The following ERC2 variants were observed in gnomAD, a reference collection of about 807,000 sequenced individuals.
The protein encoded by ERC2 is ELKS/RAB6-interacting/CAST family member 2, also known as ERC protein 2.
ERC2 carries 42 observed loss-of-function variants against 114.8 expected under a neutral mutation model. That is an observed-to-expected ratio of 0.37 (90% confidence interval 0.29 to 0.47). ERC2 has a LOEUF of 0.47. ERC2 is among the 20% of genes least tolerant of loss of function. The probability of loss-of-function intolerance (pLI) is 0.99; values close to 1 mark genes in which losing one functional copy is unlikely to be tolerated. For missense variants in ERC2, 939 were observed against 1,150.7 expected, an observed-to-expected ratio of 0.82 and a Z score of 2.66; for synonymous variants, 454 against 425.5, an observed-to-expected ratio of 1.07 and a Z score of -0.82.
intron 17 of ERC2, among the ~76,000 whole-genome samples, chr3:55,537,368 T>TCAAA (rs112398027): frequency 3.3e-5 from 5 of 152,198 alleles, no homozygotes; most frequent in African/African-American, 1.2e-4. Context: ...ATCTAGAATA[T>TCAAA]CAAAGGGTGA....
At chr3:56,341,101 A>T (rs995117757) in intron 2 of ERC2, among the ~76,000 whole-genome samples, 2 of 152,152 alleles carry the variant, frequency 1.3e-5, no homozygotes, top group African/African-American at 2.4e-5. Context: ...TCTTTAAAGA[A>T]CTGACTGTTA....
chr3:56,257,614 C>T (rs151274413), intron 3 of ERC2, among the ~76,000 whole-genome samples: 2 of 152,356 alleles, frequency 1.3e-5, no homozygotes, highest in East Asian at 3.9e-4. Context: ...TTGATGCTTT[C>T]ACAATTAGGA....
At chr3:56,231,969 G>C (rs1423976129) in intron 3 of ERC2, among the ~76,000 whole-genome samples, 2 of 146,204 alleles carry the variant, frequency 1.4e-5, no homozygotes, top group Non-Finnish European at 3.0e-5. Flanking sequence ...CCTAGACATA[G>C]TTTTTTTTTT....
chr3:55,905,443 C>T (rs1483982787), intron 13 of ERC2, among the ~76,000 whole-genome samples: 2 of 149,818 alleles, frequency 1.3e-5, no homozygotes. Flanking sequence ...TGGTGGTGGT[C>T]GTGTGTGTGT....
chr3:55,736,656 T>C (rs2065653937), intron 14 of ERC2, among the ~76,000 whole-genome samples: 1 of 152,170 alleles, frequency 6.6e-6, no homozygotes, highest in Non-Finnish European at 1.5e-5. Flanking sequence ...TGCTCAAAAA[T>C]GTTAGTTCAA....
Position 55,734,899 on chromosome 3 carries a change from C to T in ERC2, c.2584G>A (p.Ala862Thr). 1.2e-6 allele frequency: 2 copies of T among 1,603,306 alleles called. No homozygotes were observed. Among genetic ancestry groups the T allele is most frequent in the Non-Finnish European group, 1.7e-6 (2 of 1,174,840 alleles). Residue 862 changes from alanine (A) to threonine (T), a missense_variant, in exon 15 of 18, where the codon GCC becomes ACC. Around this residue, in one of 5 missense-constraint regions of ERC2, gnomAD observed 328 missense variants for 353.9 expected, o/e 0.93. Coordinates refer to ENST00000288221, the MANE Select transcript of ERC2 (RefSeq NM_015576.3). ...ATGTTTGCATCTTTTTCACTGATGG[C>T]TGCAAGTAGTGCTTCCTGTCTGGTA... ...LEMKQEALLAAISEKDANIAL... is the reference protein window; with the variant it reads ...LEMKQEALLATISEKDANIAL...
At chr3:55,893,655 A>G (rs2063714523) in intron 13 of ERC2, among the ~76,000 whole-genome samples, 1 of 152,150 alleles carries the variant, frequency 6.6e-6, no homozygotes, top group African/African-American at 2.4e-5. Context: ...ATTCCTGTTT[A>G]AGACCTCAGA....
At chr3:55,573,582 G>A (rs1200268160) in intron 17 of ERC2, among the ~76,000 whole-genome samples, 1 of 152,086 alleles carries the variant, frequency 6.6e-6, no homozygotes, top group Admixed American at 6.6e-5. Flanking sequence ...GACACACTGG[G>A]CCGCTCCTCA....
intron 16 of ERC2, among the ~76,000 whole-genome samples, chr3:55,693,652 T>C (rs1235478158): frequency 5.3e-5 from 8 of 151,030 alleles, no homozygotes; most frequent in Non-Finnish European, 8.8e-5. Context: ...AGAATGGAAA[T>C]AAAGACAATG....
intron 7 of ERC2, among the ~76,000 whole-genome samples, chr3:56,058,982 C>A (rs2076129455): frequency 6.6e-6 from 1 of 152,166 alleles, no homozygotes; most frequent in Non-Finnish European, 1.5e-5. Context: ...ACCCACTCTC[C>A]CTGGCTAAGG....
chr3:55,680,825 G>A (rs1371967604), intron 17 of ERC2, among the ~76,000 whole-genome samples: 3 of 152,142 alleles, frequency 2.0e-5, no homozygotes, highest in African/African-American at 7.2e-5. Flanking sequence ...CAGGGAGGGG[G>A]AGTATAAAGA....
chr3:55,747,206 A>G (rs2066363913), intron 14 of ERC2, among the ~76,000 whole-genome samples: 1 of 152,212 alleles, frequency 6.6e-6, no homozygotes, highest in Non-Finnish European at 1.5e-5. Flanking sequence ...TTCTTTGACT[A>G]AAGTCTAGTT....
chr3:55,588,957 CA>C (rs1441485760), intron 17 of ERC2, among the ~76,000 whole-genome samples: 1 of 151,960 alleles, frequency 6.6e-6, no homozygotes, highest in Non-Finnish European at 1.5e-5. Flanking sequence ...AACCATATTC[CA>C]ATACAGAGGG....
chr3:55,526,390 C>T (rs971842851), intron 17 of ERC2, among the ~76,000 whole-genome samples: 2 of 152,160 alleles, frequency 1.3e-5, no homozygotes, highest in Non-Finnish European at 2.9e-5. Flanking sequence ...AACTGAAACT[C>T]CAGGCAGCCT....
chr3:55,865,407 C>T lies in ERC2; in HGVS notation c.2564+22982G>A, dbSNP rs532877242. ...ATAAACATAGGCATGGACTATAACT[C>T]GTATGTCTTTGCAGATTTCGGAGCA... On this transcript the variant is annotated intron_variant, in intron 14 of 17. Transcript: ENST00000288221. Among the ~76,000 whole-genome samples, 11 of 152,200 alleles carry T rather than the reference C, an allele frequency of 7.2e-5. No homozygotes were observed. In the South Asian group the frequency reaches 2.1e-3, roughly 29 times the overall value.
Position 56,341,421 on chromosome 3 carries a change from T to C in ERC2, c.658-44986A>G, listed in dbSNP as rs559912012. On this transcript the variant is annotated intron_variant, in intron 2 of 17. Transcript: ENST00000288221. ...TTCCATTTTGAAGAAGCAGAAGTTA[T>C]GCAGAGCAATAGAGAATCCTCAAAG... is the stretch of plus-strand genomic sequence containing the variant. Among the ~76,000 whole-genome samples the C allele has an allele frequency of 5.9e-5, 9 of 152,302 alleles. No individual in the cohort carries two copies. In the South Asian group the frequency reaches 1.9e-3, roughly 32 times the overall value.
At chr3:56,238,756 G>A (rs1297006722) in intron 3 of ERC2, among the ~76,000 whole-genome samples, 1 of 152,084 alleles carries the variant, frequency 6.6e-6, no homozygotes, top group Non-Finnish European at 1.5e-5. Context: ...AAAATAACAG[G>A]ACTCAATTAA....
chr3:56,285,318 A>C (rs2054623188), intron 3 of ERC2, among the ~76,000 whole-genome samples: 1 of 151,696 alleles, frequency 6.6e-6, no homozygotes, highest in African/African-American at 2.4e-5. Context: ...ATTATTTTGC[A>C]ATGTCTGGAG....
chr3:55,558,644 A>T (rs1248662501), intron 17 of ERC2, among the ~76,000 whole-genome samples: 2 of 152,244 alleles, frequency 1.3e-5, no homozygotes, highest in Non-Finnish European at 2.9e-5. Flanking sequence ...TATCCCTAAC[A>T]GTTACAGAGA....
Sources: allele counts gnomAD v4.1 joint callset (sites outside exome capture counted in the v4.1 genomes callset), GRCh38; gene constraint gnomAD v4.1.1; regional missense constraint gnomAD v4.1.1; transcripts MANE v1.5; gene names NCBI Gene and HGNC (gene_info 2026-07-23, HGNC 2026-07-21).